MPDZ: variants seen among roughly 807,000 people sequenced by gnomAD.
MPDZ encodes the protein multiple PDZ domain protein.
MPDZ carries 234 observed loss-of-function variants against 239.1 expected under a neutral mutation model. The observed-to-expected ratio is 0.98, with a 90% CI of 0.88 to 1.09. MPDZ has a LOEUF of 1.09. Among genes scored for constraint, MPDZ ranks in the 50% least tolerant of loss-of-function variants. The pLI is 0.00. For missense variants in MPDZ, 3,175 were observed against 2,510.0 expected, an observed-to-expected ratio of 1.26 and a Z score of -5.66; for synonymous variants, 1,048 against 881.3, an observed-to-expected ratio of 1.19 and a Z score of -3.35.
chr9:13,156,069 G>A (rs1364310616), intron 24 of MPDZ, among the ~76,000 whole-genome samples: 5 of 152,044 alleles, frequency 3.3e-5, no homozygotes, highest in African/African-American at 9.7e-5. Context: ...CTTTGCTTAG[G>A]TACCAGTGAC....
chr9:13,204,577 T>A (rs574457888), intron 12 of MPDZ, among the ~76,000 whole-genome samples: 2 of 152,094 alleles, frequency 1.3e-5, no homozygotes, highest in Admixed American at 1.3e-4. Flanking sequence ...CCCTGAAAAA[T>A]TAAGAAGTGA....
intron 26 of MPDZ, among the ~76,000 whole-genome samples, chr9:13,147,073 G>A (rs774211049): frequency 6.6e-6 from 1 of 151,924 alleles, no homozygotes; most frequent in Non-Finnish European, 1.5e-5. Flanking sequence ...CAAATTTAAC[G>A]TTCAGTGGGA....
chr9:13,189,873 C>T (rs914333693), intron 16 of MPDZ, among the ~76,000 whole-genome samples: 2 of 151,976 alleles, frequency 1.3e-5, no homozygotes, highest in African/African-American at 4.8e-5. Context: ...AACGAAAAAA[C>T]ACCCACTATG....
chr9:13,274,622 A>C (rs771656343), intron 1 of MPDZ: 13 of 150,410 alleles, frequency 8.6e-5, no homozygotes, highest in South Asian at 2.1e-4. Flanking sequence ...TAAAAAACAA[A>C]AAAAAAAAAA....
At chr9:13,216,729 T>C (rs1191413470) in intron 10 of MPDZ, 45 bp downstream of exon 10, 2 of 1,411,396 alleles carry the variant, frequency 1.4e-6, no homozygotes, top group African/African-American at 1.4e-5. Context: ...AATACAATTC[T>C]CAACCATGAA....
rs1041809082 is a variant in MPDZ at position 13,208,694 on chromosome 9, A to T, written c.1291-2595T>A. Among the ~76,000 whole-genome samples, 6 of 149,912 alleles carry T rather than the reference A, an allele frequency of 4.0e-5. No individual in the cohort carries two copies. The South Asian group carries it at 6.2e-4, about 16-fold the overall frequency. On this transcript the variant is annotated intron_variant, in intron 10 of 46. Coordinates refer to ENST00000319217, the MANE Select transcript of MPDZ (RefSeq NM_001378778.1). Reference sequence around the variant, plus strand: ...ATATATATATAATATATATAACAACAATATATATGAATATATAGTGAGGAA... The same window carrying T: ...ATATATATATAATATATATAACAACTATATATATGAATATATAGTGAGGAA...
chr9:13,132,900 T>C (rs1328608231), intron 32 of MPDZ, among the ~76,000 whole-genome samples: 1 of 152,198 alleles, frequency 6.6e-6, no homozygotes, highest in East Asian at 1.9e-4. Flanking sequence ...TTTATCCATC[T>C]AACATGTTCA....
intron 1 of MPDZ, among the ~76,000 whole-genome samples, chr9:13,259,789 C>A (rs1000786277): frequency 2.6e-5 from 4 of 152,042 alleles, no homozygotes; most frequent in Non-Finnish European, 4.4e-5. Context: ...TGAGTAAAGG[C>A]TGAATTACTG....
At chr9:13,225,144 C>G (rs1270292994) in intron 3 of MPDZ, among the ~76,000 whole-genome samples, 1 of 151,798 alleles carries the variant, frequency 6.6e-6, no homozygotes, top group African/African-American at 2.4e-5. Flanking sequence ...TCAAACACAG[C>G]TATACATGTG....
chr9:13,199,008 A>T (rs536537240), intron 12 of MPDZ, among the ~76,000 whole-genome samples: 1 of 151,910 alleles, frequency 6.6e-6, no homozygotes, highest in African/African-American at 2.4e-5. Context: ...TAACAATATT[A>T]ATTCTTCTAG....
At chr9:13,274,892 A>C (rs1973822905) in intron 1 of MPDZ, among the ~76,000 whole-genome samples, 2 of 152,214 alleles carry the variant, frequency 1.3e-5, no homozygotes, top group Admixed American at 1.3e-4. Flanking sequence ...CATTAAAAGA[A>C]ATATTTTAAG....
chr9:13,157,787 T>C (rs1337762168), intron 24 of MPDZ, among the ~76,000 whole-genome samples: 6 of 152,188 alleles, frequency 3.9e-5, no homozygotes, highest in Non-Finnish European at 5.9e-5. Context: ...ATAATTTTCT[T>C]TAATTTAGTC....
At chr9:13,264,401 G>A (rs1425993580) in intron 1 of MPDZ, among the ~76,000 whole-genome samples, 8 of 151,642 alleles carry the variant, frequency 5.3e-5, no homozygotes, top group Non-Finnish European at 7.4e-5. Context: ...TACTGCTTAC[G>A]CTCGACTATA....
chr9:13,192,349 T>C, intron 14 of MPDZ, 54 bp from the exon 15 acceptor site: 3 of 1,448,320 alleles, frequency 2.1e-6, no homozygotes, highest in Non-Finnish European at 2.8e-6. Context: ...ATGAACATTC[T>C]TTTGAACACA....
intron 10 of MPDZ, among the ~76,000 whole-genome samples, chr9:13,208,519 G>C (rs1957247666): frequency 6.6e-6 from 1 of 150,824 alleles, no homozygotes; most frequent in Non-Finnish European, 1.5e-5. Flanking sequence ...TTACTGCAAA[G>C]GTTTCTGAAA....
chr9:13,152,386 T>C (rs995834389), intron 24 of MPDZ, among the ~76,000 whole-genome samples: 1 of 152,076 alleles, frequency 6.6e-6, no homozygotes, highest in Non-Finnish European at 1.5e-5. Context: ...TGGGAGGTAA[T>C]TGAATCATGG....
At chr9:13,236,425 G>A (rs1339432417) in intron 3 of MPDZ, among the ~76,000 whole-genome samples, 1 of 150,204 alleles carries the variant, frequency 6.7e-6, no homozygotes, top group African/African-American at 2.5e-5. Flanking sequence ...TGGGATTACA[G>A]GCATGTACCA....
intron 12 of MPDZ, among the ~76,000 whole-genome samples, chr9:13,200,342 C>T (rs919833411): frequency 8.6e-5 from 13 of 151,796 alleles, no homozygotes; most frequent in Non-Finnish European, 1.8e-4. Context: ...TTTTGGCTTA[C>T]TATGGCGAAA....
At chr9:13,147,338 T>C (rs189781348) in intron 26 of MPDZ, among the ~76,000 whole-genome samples, 177 of 152,182 alleles carry the variant, frequency 1.2e-3, no homozygotes, top group Admixed American at 2.4e-3. Flanking sequence ...CTGTGTATAT[T>C]CAACAGACCT....
Sources: gnomAD v4.1 joint callset for allele counts (sites outside exome capture counted in the v4.1 genomes callset) on GRCh38, gnomAD v4.1.1 for gene constraint, MANE v1.5 for transcripts, NCBI Gene and HGNC (gene_info 2026-07-23, HGNC 2026-07-21) for gene names.